BABAM2: variants seen among roughly 807,000 people sequenced by gnomAD.
BABAM2 encodes the protein BRISC and BRCA1 A complex member 2, also known as BRISC and BRCA1-A complex member 2.
Under a neutral mutation model 54.7 loss-of-function variants are expected in BABAM2, and 31 were observed. That is an observed-to-expected ratio of 0.57 (90% CI 0.43 to 0.77). BABAM2 has a LOEUF of 0.77. Among genes scored for constraint, BABAM2 ranks in the 30% least tolerant of loss-of-function variants. The pLI is 0.00. For synonymous variants in BABAM2, 167 were observed against 162.9 expected (o/e 1.03, Z -0.19); for missense variants, 364 against 455.8 (o/e 0.80, Z 1.83).
At chr2:28,315,419 CTT>C (rs150398719) in intron 11 of BABAM2, among the ~76,000 whole-genome samples, 1 of 121,942 alleles carries the variant, frequency 8.2e-6, no homozygotes, top group African/African-American at 3.0e-5. Flanking sequence ...GTGTGTGGTT[CTT>C]TTTTCTTTTC....
chr2:28,194,575 C>CTTTTTTTTT (rs10684650), intron 7 of BABAM2, among the ~76,000 whole-genome samples: 4 of 99,198 alleles, frequency 4.0e-5, no homozygotes, highest in African/African-American at 4.0e-5. Flanking sequence ...ACAACGTAGA[C>CTTTTTTTTT]TTTTTTTTTT....
chr2:27,995,753 T>G lies in BABAM2; in HGVS notation c.300+7666T>G, dbSNP rs1390524554. Among the ~76,000 whole-genome samples, 1 of 152,010 alleles carries G rather than the reference T, an allele frequency of 6.6e-6. No homozygotes were observed. The highest frequency in any genetic ancestry group is 1.9e-4 in the East Asian group (1 of 5,172). On this transcript the variant is annotated intron_variant, in intron 4 of 11. Transcript: ENST00000379624. The surrounding 1 kb of genome is among the most constrained non-coding windows in gnomAD (Gnocchi z 4.1). ...CGCCACCACACCTGGCTAGTTTTTT[T>G]ATATTTTTAGTAGAGATGGGGTTTC... is the stretch of plus-strand genomic sequence containing the variant.
intron 6 of BABAM2, among the ~76,000 whole-genome samples, chr2:28,072,948 T>C (rs964593462): frequency 6.6e-6 from 1 of 152,234 alleles, no homozygotes; most frequent in South Asian, 2.1e-4. Flanking sequence ...CCAAACTGGA[T>C]TATTTTGAAA....
At chr2:28,218,918 C>T (rs1358167182) in intron 7 of BABAM2, among the ~76,000 whole-genome samples, 1 of 152,166 alleles carries the variant, frequency 6.6e-6, no homozygotes, top group Non-Finnish European at 1.5e-5. Flanking sequence ...GGGACACACA[C>T]CATTACTGTC....
At chr2:27,989,813 G>A (rs374332334) in intron 4 of BABAM2, among the ~76,000 whole-genome samples, 1 of 151,914 alleles carries the variant, frequency 6.6e-6, no homozygotes, top group Non-Finnish European at 1.5e-5. Flanking sequence ...TTTTGAAATT[G>A]CATTTAAAAT....
intron 3 of BABAM2, among the ~76,000 whole-genome samples, chr2:27,934,322 C>T (rs940370121): frequency 2.0e-5 from 3 of 152,092 alleles, no homozygotes; most frequent in African/African-American, 4.8e-5. Flanking sequence ...TTGAATGTTA[C>T]TATTGTCATT....
intron 7 of BABAM2, among the ~76,000 whole-genome samples, chr2:28,169,353 T>C (rs187285956): frequency 6.6e-6 from 1 of 152,250 alleles, no homozygotes; most frequent in Non-Finnish European, 1.5e-5. Flanking sequence ...TAAAAACCTT[T>C]AATACTTTCA....
chr2:28,030,436 CT>C (rs1676210453), intron 5 of BABAM2, among the ~76,000 whole-genome samples: 1 of 152,150 alleles, frequency 6.6e-6, no homozygotes, highest in Admixed American at 6.6e-5. Flanking sequence ...CAAGGCAAAG[CT>C]TACAGCAGAC....
At chr2:28,185,291 T>C (rs1256636743) in intron 7 of BABAM2, among the ~76,000 whole-genome samples, 4 of 152,186 alleles carry the variant, frequency 2.6e-5, no homozygotes, top group Non-Finnish European at 5.9e-5. Context: ...TCCAGGTGGA[T>C]GTTTGTGTTT....
At chr2:28,176,028 T>G (rs1674901094) in intron 7 of BABAM2, among the ~76,000 whole-genome samples, 1 of 151,984 alleles carries the variant, frequency 6.6e-6, no homozygotes, top group Non-Finnish European at 1.5e-5. Flanking sequence ...AGAATCAAAG[T>G]TAAGGTTTTC....
chr2:28,276,718 C>T (rs565963091), intron 10 of BABAM2, among the ~76,000 whole-genome samples: 7 of 152,228 alleles, frequency 4.6e-5, no homozygotes, highest in East Asian at 1.9e-4. Flanking sequence ...TATATGTGTT[C>T]GTATATATGA....
At chr2:27,999,680 A>G (rs1433145354) in intron 4 of BABAM2, among the ~76,000 whole-genome samples, 1 of 152,128 alleles carries the variant, frequency 6.6e-6, no homozygotes, top group East Asian at 1.9e-4. Flanking sequence ...TTTTTTCTTT[A>G]TGGTACTAAG....
chr2:28,026,813 A>AAT lies in BABAM2; in HGVS notation c.495+1400_495+1401dup, dbSNP rs1553414392. Among the ~76,000 whole-genome samples, 6 of 94,708 alleles carry AAT rather than the reference A, an allele frequency of 6.3e-5. 1 individual carries two copies. Among genetic ancestry groups the AAT allele is most frequent in the East Asian group, 2.4e-4 (1 of 4,172 alleles). 62.1% of individuals were successfully genotyped at this position (94,708 alleles called of 152,430 possible). On this transcript the variant is annotated intron_variant, in intron 5 of 11. Transcript: ENST00000379624. Reference sequence around the variant, plus strand: ...TATATATTTATATAAAAAATATATAAATATATATTTATATATATAAATATA... The same window carrying AAT: ...TATATATTTATATAAAAAATATATAAATATATATATTTATATATATAAATATA...
chr2:28,267,660 C>T (rs1685098627), intron 10 of BABAM2, among the ~76,000 whole-genome samples: 1 of 152,210 alleles, frequency 6.6e-6, no homozygotes, highest in African/African-American at 2.4e-5. Flanking sequence ...AATGGCTCCA[C>T]CATTCCCTAT....
chr2:28,246,535 G>A (rs1175321706), intron 10 of BABAM2, among the ~76,000 whole-genome samples: 1 of 152,148 alleles, frequency 6.6e-6, no homozygotes, highest in African/African-American at 2.4e-5. Context: ...GGTGGTGACG[G>A]CCTCGTGCCT....
intron 3 of BABAM2, among the ~76,000 whole-genome samples, chr2:27,933,764 GTTTTTTTTTT>G (rs59022185): frequency 1.8e-5 from 2 of 110,886 alleles, no homozygotes; most frequent in Non-Finnish European, 3.7e-5. Flanking sequence ...TGCCTGGCTT[GTTTTTTTTTT>G]TTTTTTTTTT....
chr2:28,016,952 A>T (rs1674873303), intron 4 of BABAM2, among the ~76,000 whole-genome samples: 1 of 152,222 alleles, frequency 6.6e-6, no homozygotes, highest in Non-Finnish European at 1.5e-5. Context: ...TGTTAGCCAC[A>T]TGACTATAAA....
chr2:27,979,962 A>G (rs2148469682), intron 3 of BABAM2, among the ~76,000 whole-genome samples: 1 of 152,276 alleles, frequency 6.6e-6, no homozygotes, highest in South Asian at 2.1e-4. Context: ...GCTAAGGCAC[A>G]AGCGTGTAAA....
chr2:28,116,856 G>A (rs1243718758), intron 6 of BABAM2, among the ~76,000 whole-genome samples: 1 of 151,660 alleles, frequency 6.6e-6, no homozygotes, highest in Non-Finnish European at 1.5e-5. Flanking sequence ...ATGTCATATG[G>A]AAAAAAAATG....
Sources: allele counts gnomAD v4.1 joint callset (sites outside exome capture counted in the v4.1 genomes callset), GRCh38; gene constraint gnomAD v4.1.1; non-coding constraint Gnocchi (gnomAD v3.1); transcripts MANE v1.5; gene names NCBI Gene and HGNC (gene_info 2026-07-23, HGNC 2026-07-21).